The following PPM1B variants were observed in gnomAD, a reference collection of about 807,000 sequenced individuals.
PPM1B encodes protein phosphatase 1B.
In PPM1B, 22 loss-of-function variants were observed where a neutral mutation model predicts 43.0. The ratio of observed to expected loss-of-function variants is 0.51; its 90% CI spans 0.37 to 0.73. The LOEUF (loss-of-function observed/expected upper bound fraction) is 0.73. PPM1B is among the 30% of genes least tolerant of loss of function. The pLI, the probability that PPM1B is intolerant of heterozygous loss-of-function variation, is 0.00. For synonymous variants in PPM1B, 217 were observed against 197.9 expected, an observed-to-expected ratio of 1.10 and a Z score of -0.81; for missense variants, 632 against 584.2, an observed-to-expected ratio of 1.08 and a Z score of -0.84.
intron 5 of PPM1B, chr2:44,218,754 T>C: frequency 2.1e-6 from 1 of 480,226 alleles, no homozygotes; most frequent in Non-Finnish European, 3.8e-6. Context: ...TGTCACTTTC[T>C]GGGCATCAAA....
intron 3 of PPM1B, among the ~76,000 whole-genome samples, chr2:44,211,742 C>CTTTTTTTTTTTTTTTTTTTTTTTTTGT (rs55716263): frequency 1.3e-5 from 1 of 78,614 alleles, no homozygotes; most frequent in Non-Finnish European, 2.4e-5. Flanking sequence ...CTGATTCTGT[C>CTTTTTTTTTTTTTTTTTTTTTTTTTGT]TTTTTTTTTT....
rs1422367568 is a variant in PPM1B, at chr2:44,201,581, GACA to G, written c.383_385del (p.Asp128_Arg129delinsGly). On this transcript the variant is annotated inframe_deletion, in exon 2 of 6. Transcript: ENST00000282412. The surrounding 1 kb of genome is among the most constrained non-coding windows in gnomAD (Gnocchi z 5.4). ...CTTTTCAGACCTCAGAAACGGGATG[GACA>G]GGAGTGGTTCAACTGCAGTGGGAGT... The G allele has an allele frequency of 1.2e-6, 2 of 1,614,158 alleles. No homozygotes were observed. The highest frequency in any genetic ancestry group is 1.7e-6 in the Non-Finnish European group (2 of 1,180,024).
At chr2:44,200,974 T>C (rs1216965449) in intron 1 of PPM1B, among the ~76,000 whole-genome samples, 2 of 152,218 alleles carry the variant, frequency 1.3e-5, no homozygotes, top group Non-Finnish European at 2.9e-5. Flanking sequence ...TCTGATTTAA[T>C]TGGTCTGATT....
rs369360596 is a variant in PPM1B, at chr2:44,230,467, A to G, written c.1189A>G (p.Arg397Gly). 2.2e-5 allele frequency: 36 copies of G among 1,614,098 alleles called. No individual in the cohort carries two copies. The highest frequency in any genetic ancestry group is 2.8e-5 in the Non-Finnish European group (33 of 1,180,034). ...GSQGKLVEAL[R>G]QMRINHRGNY... is the part of the protein sequence containing the mutation. ...ACAGGGAAAATTGGTGGAAGCTCTC[A>G]GGCAAATGAGAATTAATCATAGGGG... Residue 397 changes from arginine (R) to glycine (G), a missense_variant, in exon 6 of 6, where the codon AGG (arginine) becomes GGG (glycine). Coordinates refer to ENST00000282412, the MANE Select transcript of PPM1B (RefSeq NM_002706.6).
chr2:44,212,344 C>G (rs1328973541), intron 3 of PPM1B, among the ~76,000 whole-genome samples: 1 of 152,180 alleles, frequency 6.6e-6, no homozygotes, highest in African/African-American at 2.4e-5. Context: ...GGCTAACTCT[C>G]ATGCATATGC....
At chr2:44,203,820 A>G (rs892315563) in intron 2 of PPM1B, among the ~76,000 whole-genome samples, 19 of 152,224 alleles carry the variant, frequency 1.2e-4, no homozygotes, top group Non-Finnish European at 4.4e-5. Context: ...ATTTGGACTA[A>G]GGAAAGAAGT....
chr2:44,214,919 C>A (rs781177250), intron 3 of PPM1B, among the ~76,000 whole-genome samples: 3 of 152,188 alleles, frequency 2.0e-5, no homozygotes, highest in Non-Finnish European at 4.4e-5. Flanking sequence ...CGTAAGTCCT[C>A]AGCAAACTGT....
At chr2:44,235,199 T>C (rs1371373053), downstream of PPM1B, among the ~76,000 whole-genome samples, 1 of 152,236 alleles carries the variant, frequency 6.6e-6, no homozygotes, top group Non-Finnish European at 1.5e-5. Context: ...TGAATGGACC[T>C]TCTGGCTATG....
chr2:44,236,339 A>G (rs1447459295), downstream of PPM1B, among the ~76,000 whole-genome samples: 1 of 142,410 alleles, frequency 7.0e-6, no homozygotes, highest in Non-Finnish European at 1.5e-5. Flanking sequence ...GGAGGTGGAG[A>G]TTGCAGTGAG....
At chr2:44,222,494 TTCCAAG>T (rs1472410245) in intron 5 of PPM1B, among the ~76,000 whole-genome samples, 1 of 152,162 alleles carries the variant, frequency 6.6e-6, no homozygotes, top group African/African-American at 2.4e-5. Context: ...GTTGGTAATT[TTCCAAG>T]GGTAAAGTTG....
chr2:44,207,463 T>C (rs768295511), intron 2 of PPM1B, among the ~76,000 whole-genome samples: 6 of 152,224 alleles, frequency 3.9e-5, no homozygotes, highest in Non-Finnish European at 7.3e-5. Context: ...AACAGTTTCA[T>C]CTGCTCCTGC....
At chr2:44,191,760 A>G (rs189734939) in intron 1 of PPM1B, among the ~76,000 whole-genome samples, 5 of 152,158 alleles carry the variant, frequency 3.3e-5, no homozygotes, top group East Asian at 1.9e-4. Context: ...TATTCTACCA[A>G]ATATCACTCT....
chr2:44,219,949 A>T (rs1212251626), intron 5 of PPM1B, among the ~76,000 whole-genome samples: 5 of 152,146 alleles, frequency 3.3e-5, no homozygotes, highest in Admixed American at 6.5e-5. Context: ...GTCTCAAAAA[A>T]AAAAAAAAAT....
chr2:44,210,241 G>C (rs1669396114), intron 3 of PPM1B, among the ~76,000 whole-genome samples: 1 of 145,888 alleles, frequency 6.9e-6, no homozygotes, highest in African/African-American at 2.5e-5. Flanking sequence ...TTTTGAGATA[G>C]GGTCTTGCTC....
Position 44,172,501 on chromosome 2 carries a change from A to G in PPM1B, c.-15+3227A>G, listed in dbSNP as rs373843180. Reference sequence around the variant, plus strand: ...GAACAGGTGAAGAAAAAGGTACATGAGCTTCATAATGTGTATTTTTTCTTT... The same window carrying G: ...GAACAGGTGAAGAAAAAGGTACATGGGCTTCATAATGTGTATTTTTTCTTT... On this transcript the variant is annotated intron_variant, in intron 1 of 5. Coordinates refer to ENST00000282412, the MANE Select transcript of PPM1B (RefSeq NM_002706.6). Among the ~76,000 whole-genome samples, 5 of 152,204 alleles carry G rather than the reference A, an allele frequency of 3.3e-5. No homozygotes were observed. In the South Asian group the frequency reaches 8.3e-4, roughly 25 times the overall value.
intron 3 of PPM1B, among the ~76,000 whole-genome samples, chr2:44,217,637 T>C (rs1669783930): frequency 6.6e-6 from 1 of 152,212 alleles, no homozygotes; most frequent in African/African-American, 2.4e-5. Context: ...TTAGTGATTA[T>C]AAACCATTTC....
At chr2:44,207,791 C>T (rs1005030617) in intron 2 of PPM1B, among the ~76,000 whole-genome samples, 2 of 151,844 alleles carry the variant, frequency 1.3e-5, no homozygotes, top group African/African-American at 4.8e-5. Flanking sequence ...CCATGATGCC[C>T]AGGCTGGTCT....
downstream of PPM1B, among the ~76,000 whole-genome samples, chr2:44,238,301 A>G (rs1034535858): frequency 7.2e-5 from 11 of 152,198 alleles, no homozygotes; most frequent in African/African-American, 2.4e-4. Context: ...TAATAATTAT[A>G]TAGTATAAAG....
chr2:44,205,521 C>G (rs902349374), intron 2 of PPM1B, among the ~76,000 whole-genome samples: 3 of 152,150 alleles, frequency 2.0e-5, no homozygotes, highest in African/African-American at 7.2e-5. Context: ...CCAGTCTCAT[C>G]TCACTTAGGG....
Sources: gnomAD v4.1 joint callset for allele counts (sites outside exome capture counted in the v4.1 genomes callset) on GRCh38, gnomAD v4.1.1 for gene constraint, Gnocchi (gnomAD v3.1) non-coding constraint, MANE v1.5 for transcripts, NCBI Gene and HGNC (gene_info 2026-07-23, HGNC 2026-07-21) for gene names.